Variants in RNF185 observed in about 807,000 individuals in gnomAD.
RNF185 encodes the protein ring finger protein 185, also known as E3 ubiquitin-protein ligase RNF185.
Under a neutral mutation model 24.9 loss-of-function variants are expected in RNF185, and 13 were observed. The observed-to-expected ratio is 0.52, with a 90% confidence interval of 0.34 to 0.83. The LOEUF is 0.83. Among genes scored for constraint, RNF185 ranks in the 40% least tolerant of loss-of-function variants. RNF185 has a pLI of 0.01. For synonymous variants in RNF185, 79 were observed against 90.3 expected (o/e 0.88, Z 0.71); for missense variants, 184 against 244.7 (o/e 0.75, Z 1.65).
chr22:31,189,240 A>T (rs368922415), intron 2 of RNF185, among the ~76,000 whole-genome samples: 1 of 137,172 alleles, frequency 7.3e-6, no homozygotes, highest in African/African-American at 2.7e-5. Flanking sequence ...TTATGTATAT[A>T]TTAACTATAC....
chr22:31,194,943 A>G (rs1277496657), intron 3 of RNF185, among the ~76,000 whole-genome samples: 1 of 151,672 alleles, frequency 6.6e-6, no homozygotes, highest in Non-Finnish European at 1.5e-5. Flanking sequence ...GAAGAAGCCT[A>G]ATTGTGATGA....
Position 31,196,932 on chromosome 22 carries a change from T to G in RNF185, c.309-4T>G, listed in dbSNP as rs376222889. 2.3e-5 allele frequency: 37 copies of G among 1,611,882 alleles called. No homozygotes were observed. Among genetic ancestry groups the G allele is most frequent in the Non-Finnish European group, 3.1e-5 (37 of 1,179,316 alleles). ...AGACTTATTTTACACCATTTCTGTTTCAGAGAGAAGACCCCTCCTCGTCCT... is the reference window on the plus strand; with the variant it reads ...AGACTTATTTTACACCATTTCTGTTGCAGAGAGAAGACCCCTCCTCGTCCT... On this transcript the variant is annotated splice_region_variant and splice_polypyrimidine_tract_variant and intron_variant, in intron 4 of 6. Transcript: ENST00000326132.
At chr22:31,180,909 CTCTCTCTGTGTGTGTGTGTGTGTGTGTG>C (rs1197381165) in intron 1 of RNF185, among the ~76,000 whole-genome samples, 1 of 128,754 alleles carries the variant, frequency 7.8e-6, no homozygotes, top group East Asian at 2.2e-4. Flanking sequence ...CATTTTCTCT[CTCTCTCTGTGTGTGTGTGTGTGTGTGTG>C]TGTGTGTGTG....
chr22:31,162,018 TG>T (rs1034699101), intron 1 of RNF185, among the ~76,000 whole-genome samples: 4 of 152,148 alleles, frequency 2.6e-5, no homozygotes, highest in African/African-American at 9.7e-5. Context: ...CCACTGTGCC[TG>T]GCCTCTAGCA....
intron 5 of RNF185, among the ~76,000 whole-genome samples, chr22:31,200,166 G>C (rs1406243590): frequency 6.6e-6 from 1 of 152,112 alleles, no homozygotes; most frequent in Non-Finnish European, 1.5e-5. Flanking sequence ...AGACCAGCCT[G>C]AGCAACAAAG....
intron 1 of RNF185, among the ~76,000 whole-genome samples, chr22:31,180,911 CTCTCTGTGTGTGTGTGTG>C (rs1334466761): frequency 2.2e-4 from 28 of 124,534 alleles, no homozygotes; most frequent in African/African-American, 4.4e-4. Flanking sequence ...TTTTCTCTCT[CTCTCTGTGTGTGTGTGTG>C]TGTGTGTGTG....
At chr22:31,184,818 G>C in intron 1 of RNF185, among the ~76,000 whole-genome samples, 1 of 151,942 alleles carries the variant, frequency 6.6e-6, no homozygotes, top group Non-Finnish European at 1.5e-5. Context: ...GGCAGGCTGA[G>C]GCAGGAGAAT....
chr22:31,187,345 C>T, intron 2 of RNF185, 75 bp downstream of exon 2: 2 of 1,502,224 alleles, frequency 1.3e-6, no homozygotes, highest in Non-Finnish European at 1.8e-6. Context: ...TGGTTTGGAG[C>T]AGAATGCTTC....
At chr22:31,172,748 C>CAAAAAA (rs35573590) in intron 1 of RNF185, among the ~76,000 whole-genome samples, 4 of 97,694 alleles carry the variant, frequency 4.1e-5, no homozygotes, top group South Asian at 3.9e-4. Context: ...GACCCCGTCT[C>CAAAAAA]AAAAAAAAAA....
intron 1 of RNF185, among the ~76,000 whole-genome samples, chr22:31,181,361 T>A (rs528476250): frequency 3.9e-4 from 59 of 150,898 alleles, no homozygotes; most frequent in African/African-American, 1.3e-3. Flanking sequence ...AAAAAAAAAA[T>A]ACCTTTTATT....
chr22:31,186,669 T>G (rs1411631703), intron 1 of RNF185, among the ~76,000 whole-genome samples: 1 of 152,164 alleles, frequency 6.6e-6, no homozygotes, highest in East Asian at 1.9e-4. Context: ...GATTCACCCA[T>G]CAATATAGAG....
rs544346133 is a variant in RNF185 at position 31,179,001 on chromosome 22, C to T, written c.-48-8046C>T. On this transcript the variant is annotated intron_variant, in intron 1 of 6. Coordinates refer to ENST00000326132, the MANE Select transcript of RNF185 (RefSeq NM_152267.4). ...TAGGCAGTCCTCTAATGTCCCTGGC[C>T]CAGTGTCCTCATCTGTAAAATGGCA... 5.7e-4 allele frequency among the ~76,000 whole-genome samples: 87 copies of T among 152,252 alleles called. 1 individual carries two copies. Among genetic ancestry groups the T allele is most frequent in the Admixed American group, 2.2e-3 (33 of 15,276 alleles).
At chr22:31,199,266 C>T (rs5753509) in intron 5 of RNF185, among the ~76,000 whole-genome samples, 6,936 of 152,170 alleles carry the variant, frequency 0.046, 616 homozygotes, top group East Asian at 0.39. Context: ...ACTCATTTAA[C>T]GGAGGAGGAA....
chr22:31,203,351 C>A (rs1384024972), intron 6 of RNF185, among the ~76,000 whole-genome samples: 1 of 152,190 alleles, frequency 6.6e-6, no homozygotes, highest in Non-Finnish European at 1.5e-5. Context: ...GTCATTTTGC[C>A]TGTCTGGATC....
chr22:31,186,355 A>G (rs552145174), intron 1 of RNF185, among the ~76,000 whole-genome samples: 2 of 152,272 alleles, frequency 1.3e-5, no homozygotes, highest in African/African-American at 4.8e-5. Flanking sequence ...TAATCCTAGC[A>G]CTTTGGGAAA....
At chr22:31,167,058 G>GTTC in intron 1 of RNF185, among the ~76,000 whole-genome samples, 1 of 152,300 alleles carries the variant, frequency 6.6e-6, no homozygotes, top group African/African-American at 2.4e-5. Flanking sequence ...TACTTGGTGT[G>GTTC]TTCTTAGTGG....
intron 1 of RNF185, among the ~76,000 whole-genome samples, chr22:31,182,458 T>A (rs1395796245): frequency 6.6e-6 from 1 of 152,038 alleles, no homozygotes; most frequent in African/African-American, 2.4e-5. Context: ...CAGCTAATTT[T>A]TGTTTTGTTT....
At chr22:31,189,606 A>AT (rs760179955) in intron 2 of RNF185, among the ~76,000 whole-genome samples, 305 of 124,832 alleles carry the variant, frequency 2.4e-3, no homozygotes, top group African/African-American at 2.2e-3. Context: ...CCTGTGTCAA[A>AT]TTTTTTTTTT....
chr22:31,162,509 A>G (rs1016559978), intron 1 of RNF185, among the ~76,000 whole-genome samples: 1 of 152,194 alleles, frequency 6.6e-6, no homozygotes, highest in African/African-American at 2.4e-5. Flanking sequence ...GGAGCTTCTC[A>G]ATGTGTAATA....
Sources: gnomAD v4.1 joint callset for allele counts (sites outside exome capture counted in the v4.1 genomes callset) on GRCh38, gnomAD v4.1.1 for gene constraint, MANE v1.5 for transcripts, NCBI Gene and HGNC (gene_info 2026-07-23, HGNC 2026-07-21) for gene names.